The following GANC variants were observed in gnomAD, a reference collection of about 807,000 sequenced individuals.
GANC encodes neutral alpha-glucosidase C.
GANC carries 117 observed loss-of-function variants against 124.2 expected under a neutral mutation model. The observed-to-expected ratio is 0.94, with a 90% CI of 0.81 to 1.10. The LOEUF (loss-of-function observed/expected upper bound fraction) is 1.10, where lower values mean the gene tolerates loss of function less well. Among genes scored for constraint, GANC ranks in the 50% least tolerant of loss-of-function variants. The probability of loss-of-function intolerance (pLI) is 0.00; values close to 1 mark genes in which losing one functional copy is unlikely to be tolerated. For synonymous variants in GANC, 377 were observed against 376.8 expected (o/e 1.00, Z -0.01); for missense variants, 1,140 against 1,095.0 (o/e 1.04, Z -0.58).
intron 7 of GANC, among the ~76,000 whole-genome samples, 177 bp from the exon 8 acceptor site, chr15:42,308,043 CCA>C (rs1016456196): frequency 6.6e-6 from 1 of 152,146 alleles, no homozygotes; most frequent in Non-Finnish European, 1.5e-5. Flanking sequence ...TTTTGTATCC[CCA>C]CAACACCTGA....
intron 8 of GANC, among the ~76,000 whole-genome samples, chr15:42,308,611 G>A (rs553288538): frequency 6.6e-6 from 1 of 152,288 alleles, no homozygotes; most frequent in African/African-American, 2.4e-5. Context: ...AGCCTCCTGA[G>A]TAGCTGAGAC....
At chr15:42,336,192 A>G (rs180999112) in intron 15 of GANC, among the ~76,000 whole-genome samples, 110 of 152,288 alleles carry the variant, frequency 7.2e-4, no homozygotes, top group African/African-American at 2.5e-3. Flanking sequence ...TCCTAAGCAA[A>G]AAGAACAAAG....
chr15:42,339,343 C>T (rs959201071), intron 16 of GANC, among the ~76,000 whole-genome samples: 34 of 150,120 alleles, frequency 2.3e-4, no homozygotes, highest in African/African-American at 8.0e-4. Flanking sequence ...CACACACACA[C>T]ACACACACAC....
intron 15 of GANC, among the ~76,000 whole-genome samples, chr15:42,331,640 A>G (rs1413693037): frequency 6.6e-6 from 1 of 152,206 alleles, no homozygotes; most frequent in Non-Finnish European, 1.5e-5. Flanking sequence ...AAAATATTAC[A>G]ATCTCAGGCA....
chr15:42,319,344 CTTTTTTGT>C (rs2052136235), intron 10 of GANC, among the ~76,000 whole-genome samples: 2 of 151,600 alleles, frequency 1.3e-5, no homozygotes, highest in African/African-American at 4.9e-5. Context: ...TGATGAGCCT[CTTTTTTGT>C]TTTTTTGTTT....
chr15:42,279,274 G>A (rs1009768478), intron 3 of GANC, among the ~76,000 whole-genome samples: 17 of 152,134 alleles, frequency 1.1e-4, no homozygotes, highest in Non-Finnish European at 1.5e-5. Flanking sequence ...TCTGTCAGAC[G>A]CTGTCACCCA....
intron 4 of GANC, among the ~76,000 whole-genome samples, chr15:42,290,300 G>C (rs1386495930): frequency 1.3e-5 from 2 of 152,300 alleles, no homozygotes; most frequent in Non-Finnish European, 1.5e-5. Context: ...AGAGTTTAAA[G>C]AAAGAAAACA....
chr15:42,304,931 C>T (rs139661610), intron 6 of GANC, among the ~76,000 whole-genome samples: 16 of 152,168 alleles, frequency 1.1e-4, no homozygotes, highest in African/African-American at 3.9e-4. Context: ...AACTGGACCC[C>T]TTCCTTACAC....
At chr15:42,334,553 GA>G (rs755482057) in intron 15 of GANC, among the ~76,000 whole-genome samples, 2 of 152,002 alleles carry the variant, frequency 1.3e-5, no homozygotes, top group Non-Finnish European at 2.9e-5. Context: ...TGACAAATTA[GA>G]CTTTATCAAA....
chr15:42,278,668 G>T, intron 3 of GANC, 78 bp downstream of exon 3: 1 of 1,013,886 alleles, frequency 9.9e-7, no homozygotes, highest in Non-Finnish European at 1.5e-6. Context: ...TTAAAGCTAT[G>T]TATGCTTCAA....
intron 5 of GANC, 23 bp from the exon 6 acceptor site, chr15:42,297,585 AAAC>A: frequency 6.2e-7 from 1 of 1,601,652 alleles, no homozygotes; most frequent in Non-Finnish European, 8.5e-7. Context: ...CCATTGAGTG[AAAC>A]AACTTTATTT....
At chr15:42,338,609 GA>G (rs772391803) in intron 16 of GANC, 119 bp downstream of exon 16, 5 of 725,992 alleles carry the variant, frequency 6.9e-6, no homozygotes, top group African/African-American at 3.5e-5. Flanking sequence ...ATGTGGGAAA[GA>G]AAAAATGTGA....
intron 3 of GANC, among the ~76,000 whole-genome samples, chr15:42,286,300 T>A (rs2051787675): frequency 6.6e-6 from 1 of 152,200 alleles, no homozygotes; most frequent in African/African-American, 2.4e-5. Flanking sequence ...ATGCTCTGTG[T>A]TAGCTTTGCA....
At chr15:42,278,777 C>T (rs913751149) in intron 3 of GANC, among the ~76,000 whole-genome samples, 187 bp downstream of exon 3, 3 of 152,098 alleles carry the variant, frequency 2.0e-5, no homozygotes, top group African/African-American at 4.8e-5. Context: ...GCAGATTGCT[C>T]GAGCCCAGGA....
At chr15:42,342,142 A>G (rs1458556821) in intron 18 of GANC, among the ~76,000 whole-genome samples, 1 of 152,186 alleles carries the variant, frequency 6.6e-6, no homozygotes, top group Non-Finnish European at 1.5e-5. Context: ...ATTGGCCACT[A>G]TATCCCCAGA....
chr15:42,291,818 CA>C (rs2051844278), intron 4 of GANC, among the ~76,000 whole-genome samples: 2 of 152,260 alleles, frequency 1.3e-5, no homozygotes, highest in South Asian at 4.1e-4. Flanking sequence ...ATATGAACTA[CA>C]GTCCTACTTA....
intron 3 of GANC, among the ~76,000 whole-genome samples, chr15:42,282,455 C>G (rs546856009): frequency 1.3e-5 from 2 of 152,122 alleles, no homozygotes; most frequent in East Asian, 3.8e-4. Flanking sequence ...CTGCATACAT[C>G]CACTTATTCA....
At chr15:42,318,120 C>T (rs576140232) in intron 10 of GANC, among the ~76,000 whole-genome samples, 1 of 152,344 alleles carries the variant, frequency 6.6e-6, no homozygotes, top group East Asian at 1.9e-4. Context: ...CATCTTCCTC[C>T]TCCCATCTGG....
intron 6 of GANC, among the ~76,000 whole-genome samples, chr15:42,301,768 T>C (rs2051948189): frequency 6.6e-6 from 1 of 152,082 alleles, no homozygotes; most frequent in East Asian, 1.9e-4. Context: ...CCCACCACAG[T>C]TTTGCAAAGC....
Sources: allele counts gnomAD v4.1 joint callset (sites outside exome capture counted in the v4.1 genomes callset), GRCh38; gene constraint gnomAD v4.1.1; transcripts MANE v1.5; gene names NCBI Gene and HGNC (gene_info 2026-07-23, HGNC 2026-07-21).